The following LTBP1 variants were observed in gnomAD, a reference collection of about 807,000 sequenced individuals.
LTBP1 encodes the protein latent-transforming growth factor beta-binding protein 1.
In LTBP1, 129 loss-of-function variants were observed where a neutral mutation model predicts 207.6. The ratio of observed to expected loss-of-function variants is 0.62; its 90% CI spans 0.54 to 0.72. The LOEUF is 0.72. LTBP1 is among the 30% of genes least tolerant of loss of function. The probability of loss-of-function intolerance (pLI) is 0.00; values close to 1 mark genes in which losing one functional copy is unlikely to be tolerated. For synonymous variants in LTBP1, 963 were observed against 833.7 expected (o/e 1.16, Z -2.67); for missense variants, 2,281 against 2,217.2 (o/e 1.03, Z -0.58).
At chr2:33,365,577 AT>A in intron 31 of LTBP1, 74 bp downstream of exon 31, 3 of 1,442,692 alleles carry the variant, frequency 2.1e-6, no homozygotes, top group Middle Eastern at 4.6e-4. Context: ...GTAGCCTGAC[AT>A]TTCTCTTCTG....
At chr2:33,043,430 C>T (rs1041204809) in intron 3 of LTBP1, among the ~76,000 whole-genome samples, 15 of 151,918 alleles carry the variant, frequency 9.9e-5, no homozygotes, top group African/African-American at 3.4e-4. Flanking sequence ...AATTTATAGG[C>T]TGGGTCTAAT....
chr2:33,090,381 G>A (rs1324635693), intron 3 of LTBP1, among the ~76,000 whole-genome samples: 6 of 152,164 alleles, frequency 3.9e-5, no homozygotes, highest in African/African-American at 1.4e-4. Context: ...GGGATCTGAT[G>A]TATGGTATGC....
chr2:33,301,543 G>C lies in LTBP1; in HGVS notation c.3380G>C (p.Arg1127Pro). The C allele has an allele frequency of 6.2e-7, 1 of 1,605,048 alleles. No homozygotes were observed. Among genetic ancestry groups the C allele is most frequent in the Non-Finnish European group, 8.5e-7 (1 of 1,176,612 alleles). ...QCEDIDECQH[R>P]HLCAHGQCRN... is the part of the protein sequence containing the mutation. ...ATAGACATTGATGAATGCCAGCACC[G>C]TCATCTCTGTGCTCATGGGCAGTGC... Residue 1127 changes from arginine (R) to proline (P), a missense_variant, in exon 22 of 34, where the codon CGT becomes CCT. Transcript: ENST00000404816.
intron 3 of LTBP1, among the ~76,000 whole-genome samples, chr2:33,050,693 T>C (rs2149497779): frequency 6.6e-6 from 1 of 152,254 alleles, no homozygotes; most frequent in South Asian, 2.1e-4. Context: ...GTTTCCTCTT[T>C]ATTCCATTCT....
At chr2:33,221,230 A>C (rs138200872) in intron 8 of LTBP1, among the ~76,000 whole-genome samples, 136 of 152,252 alleles carry the variant, frequency 8.9e-4, no homozygotes, top group Middle Eastern at 6.8e-3. Context: ...ATTATCTCTA[A>C]ATTGCAGAAG....
At chr2:33,222,889 C>T (rs1573274088) in intron 9 of LTBP1, among the ~76,000 whole-genome samples, 1 of 152,096 alleles carries the variant, frequency 6.6e-6, no homozygotes, top group Non-Finnish European at 1.5e-5. Context: ...ATGGGAAGAC[C>T]AATGCTTCTA....
chr2:32,969,065 A>T lies in LTBP1; in HGVS notation c.565+20120A>T, dbSNP rs543774152. On this transcript the variant is annotated intron_variant, in intron 2 of 33. Coordinates refer to ENST00000404816, the MANE Select transcript of LTBP1 (RefSeq NM_206943.4). ...CTCAGCCTCCCAAGTAGCTGGGATT[A>T]CAGGTGCCCGCCACCATGCCTGGCT... Among the ~76,000 whole-genome samples the T allele has an allele frequency of 3.0e-3, 457 of 151,960 alleles. 2 individuals carry two copies. Among genetic ancestry groups the T allele is most frequent in the Middle Eastern group, 0.014 (4 of 292 alleles).
intron 8 of LTBP1, 140 bp from the exon 9 acceptor site, chr2:33,221,940 G>C: frequency 1.8e-6 from 1 of 554,882 alleles, no homozygotes; most frequent in Non-Finnish European, 3.3e-6. Context: ...AAATTATGGA[G>C]ATATACATTG....
intron 3 of LTBP1, among the ~76,000 whole-genome samples, chr2:33,085,716 G>A (rs1190602297): frequency 6.6e-6 from 1 of 152,292 alleles, no homozygotes; most frequent in African/African-American, 2.4e-5. Flanking sequence ...TAAGAGGCAG[G>A]GGGGCCAGGA....
intron 3 of LTBP1, among the ~76,000 whole-genome samples, chr2:33,077,036 T>G (rs961891147): frequency 8.5e-5 from 13 of 152,196 alleles, no homozygotes; most frequent in Admixed American, 2.6e-4. Flanking sequence ...CTTCTAGGGC[T>G]AGAGAGGTGA....
chr2:32,964,827 G>T (rs1439807277), intron 2 of LTBP1, among the ~76,000 whole-genome samples: 1 of 152,010 alleles, frequency 6.6e-6, no homozygotes, highest in Non-Finnish European at 1.5e-5. Context: ...CGGATCATGA[G>T]GTCAAGAGCT....
chr2:33,171,989 A>C (rs901414878), intron 5 of LTBP1, among the ~76,000 whole-genome samples: 11 of 152,212 alleles, frequency 7.2e-5, no homozygotes, highest in African/African-American at 2.4e-4. Context: ...GCCTGCCCTA[A>C]AAGAGCTCCT....
chr2:33,186,539 G>T (rs2087220195), intron 5 of LTBP1, among the ~76,000 whole-genome samples: 1 of 152,116 alleles, frequency 6.6e-6, no homozygotes, highest in Admixed American at 6.5e-5. Flanking sequence ...TACTTAAAAT[G>T]GCATGGTGGT....
intron 3 of LTBP1, among the ~76,000 whole-genome samples, chr2:33,108,551 A>G (rs1002969197): frequency 6.6e-6 from 1 of 151,932 alleles, no homozygotes; most frequent in Non-Finnish European, 1.5e-5. Flanking sequence ...TCCTCAATTC[A>G]GAGGGGGGAC....
Position 32,965,324 on chromosome 2 carries a change from A to G in LTBP1, c.565+16379A>G, listed in dbSNP as rs115508122. ...GTCCCTGTCCTGTTACAATCGATGA[A>G]CCCCTATATTATCACCCAATGTCCA... is the stretch of plus-strand genomic sequence containing the variant. On this transcript the variant is annotated intron_variant, in intron 2 of 33. Coordinates refer to ENST00000404816, the MANE Select transcript of LTBP1 (RefSeq NM_206943.4). Among the ~76,000 whole-genome samples, 347 of 152,090 alleles carry G rather than the reference A, an allele frequency of 2.3e-3. 1 individual carries two copies. Among genetic ancestry groups the G allele is most frequent in the Middle Eastern group, 6.8e-3 (2 of 294 alleles).
At position 33,365,430 on chromosome 2, in the gene LTBP1, G is replaced by A. The variant is rs147747384; in HGVS notation, c.4638G>A (p.Thr1546=). The A allele has an allele frequency of 5.0e-6, 8 of 1,614,044 alleles. No homozygotes were observed. Among genetic ancestry groups the A allele is most frequent in the East Asian group, 2.2e-5 (1 of 44,898 alleles). Residue 1546 remains threonine (T), a synonymous_variant, in exon 31 of 34, where the codon ACG becomes ACA. Transcript: ENST00000404816. ...GGCCTCTTGTGGGCAAGCAGACAACGTACACTGAGTGCTGCTGTCTGTATG... is the reference window on the plus strand; with the variant it reads ...GGCCTCTTGTGGGCAAGCAGACAACATACACTGAGTGCTGCTGTCTGTATG... ...CSRPLVGKQT[T]YTECCCLYGE...
chr2:33,033,340 A>T (rs577065519), intron 3 of LTBP1, among the ~76,000 whole-genome samples: 1 of 152,224 alleles, frequency 6.6e-6, no homozygotes, highest in Non-Finnish European at 1.5e-5. Context: ...TTCTGGTGTT[A>T]ATGGGCCTGG....
intron 2 of LTBP1, among the ~76,000 whole-genome samples, chr2:33,011,127 A>G (rs947312850): frequency 6.6e-6 from 1 of 152,206 alleles, no homozygotes; most frequent in Non-Finnish European, 1.5e-5. Flanking sequence ...TAGATTAGGA[A>G]TGACAAGACA....
At chr2:32,973,457 G>C (rs1209967192) in intron 2 of LTBP1, among the ~76,000 whole-genome samples, 1 of 151,628 alleles carries the variant, frequency 6.6e-6, no homozygotes, top group Non-Finnish European at 1.5e-5. Flanking sequence ...ATTTTTGTGG[G>C]TACACAGTAG....
Sources: gnomAD v4.1 joint callset for allele counts (sites outside exome capture counted in the v4.1 genomes callset) on GRCh38, gnomAD v4.1.1 for gene constraint, MANE v1.5 for transcripts, NCBI Gene and HGNC (gene_info 2026-07-23, HGNC 2026-07-21) for gene names.